ARHGAP15: variants seen among roughly 807,000 people sequenced by gnomAD.
ARHGAP15 encodes the protein Rho GTPase activating protein 15, also known as rho GTPase-activating protein 15.
A neutral mutation model predicts 63.7 loss-of-function variants in ARHGAP15; 51 were observed. The ratio of observed to expected loss-of-function variants is 0.80; its 90% CI spans 0.64 to 1.01. The LOEUF (loss-of-function observed/expected upper bound fraction) is 1.01, where lower values mean the gene tolerates loss of function less well. ARHGAP15 is among the 50% of genes least tolerant of loss of function. The pLI is 0.00. For missense variants in ARHGAP15, 560 were observed against 564.6 expected (o/e 0.99, Z 0.08); for synonymous variants, 191 against 193.8 (o/e 0.99, Z 0.12).
chr2:143,510,219 A>G (rs1693520323), intron 9 of ARHGAP15, among the ~76,000 whole-genome samples: 1 of 152,070 alleles, frequency 6.6e-6, no homozygotes. Context: ...CTGCCTCTCT[A>G]TTATAGCAAC....
intron 2 of ARHGAP15, among the ~76,000 whole-genome samples, chr2:143,200,495 A>C (rs972971463): frequency 6.6e-6 from 1 of 151,944 alleles, no homozygotes; most frequent in Admixed American, 6.6e-5. Context: ...TTTCCTAGAC[A>C]TAGTACTCAG....
chr2:143,214,956 A>G (rs1210121094), intron 3 of ARHGAP15, among the ~76,000 whole-genome samples: 1 of 152,214 alleles, frequency 6.6e-6, no homozygotes, highest in Non-Finnish European at 1.5e-5. Flanking sequence ...ATATTTAAAT[A>G]AACATTTAAA....
intron 11 of ARHGAP15, among the ~76,000 whole-genome samples, chr2:143,598,238 A>T (rs543420204): frequency 6.6e-6 from 1 of 152,338 alleles, no homozygotes; most frequent in Admixed American, 6.5e-5. Context: ...GTAAATCCAA[A>T]GAAACTCCAT....
intron 1 of ARHGAP15, among the ~76,000 whole-genome samples, chr2:143,146,809 T>G (rs1037361125): frequency 1.3e-5 from 2 of 152,058 alleles, no homozygotes; most frequent in African/African-American, 4.8e-5. Context: ...GGCACTGAAA[T>G]TCAATCTAAT....
chr2:143,765,207 A>G (rs988612896), intron 13 of ARHGAP15, among the ~76,000 whole-genome samples: 1 of 151,912 alleles, frequency 6.6e-6, no homozygotes, highest in Non-Finnish European at 1.5e-5. Flanking sequence ...CAAATTGGGA[A>G]AAACCTGCAT....
intron 9 of ARHGAP15, among the ~76,000 whole-genome samples, chr2:143,503,046 G>A (rs1693142010): frequency 6.6e-6 from 1 of 152,362 alleles, no homozygotes; most frequent in East Asian, 1.9e-4. Flanking sequence ...CTGCATGCTA[G>A]TAGTGGTCTA....
At position 143,251,170 on chromosome 2, in the gene ARHGAP15, T is replaced by C. The variant is rs146809045; in HGVS notation, c.474+570T>C. Among the ~76,000 whole-genome samples the C allele has an allele frequency of 1.7e-4, 26 of 151,916 alleles. No individual in the cohort carries two copies. In the East Asian group the frequency reaches 4.6e-3, roughly 27 times the overall value. On this transcript the variant is annotated intron_variant, in intron 6 of 13. Coordinates refer to ENST00000295095, the MANE Select transcript of ARHGAP15 (RefSeq NM_018460.4). Reference sequence around the variant, plus strand: ...GATGAAATCCTTGAGAGAGATAAAATTGGAAAATGTAATTTCACACGTTAC... The same window carrying C: ...GATGAAATCCTTGAGAGAGATAAAACTGGAAAATGTAATTTCACACGTTAC...
chr2:143,194,725 A>G (rs1226427994), intron 2 of ARHGAP15, among the ~76,000 whole-genome samples: 4 of 152,212 alleles, frequency 2.6e-5, no homozygotes, highest in African/African-American at 9.7e-5. Flanking sequence ...GAAACGATCT[A>G]GCGAAAATAT....
chr2:143,536,412 G>A (rs1024546001), intron 10 of ARHGAP15, among the ~76,000 whole-genome samples: 4 of 151,794 alleles, frequency 2.6e-5, no homozygotes, highest in African/African-American at 9.7e-5. Flanking sequence ...TAGGGTACAT[G>A]TGCACAACGT....
At chr2:143,402,173 AAC>A in intron 6 of ARHGAP15, among the ~76,000 whole-genome samples, 1 of 151,936 alleles carries the variant, frequency 6.6e-6, no homozygotes. Context: ...TTTGATAGGT[AAC>A]ACCTCAGTGT....
At chr2:143,476,476 A>T (rs1691821642) in intron 8 of ARHGAP15, among the ~76,000 whole-genome samples, 1 of 152,154 alleles carries the variant, frequency 6.6e-6, no homozygotes. Flanking sequence ...AATGAAGAAA[A>T]CATTCTAAGG....
At chr2:143,765,681 G>A (rs1020831323) in intron 13 of ARHGAP15, among the ~76,000 whole-genome samples, 2 of 152,088 alleles carry the variant, frequency 1.3e-5, no homozygotes, top group Non-Finnish European at 2.9e-5. Context: ...ACCTTCTTAC[G>A]ATGGATCGTA....
At chr2:143,613,398 C>G (rs780174116) in intron 11 of ARHGAP15, among the ~76,000 whole-genome samples, 3 of 152,126 alleles carry the variant, frequency 2.0e-5, no homozygotes, top group African/African-American at 7.2e-5. Flanking sequence ...GACCTGTTAG[C>G]AATAGTCACA....
intron 9 of ARHGAP15, 107 bp downstream of exon 9, chr2:143,487,602 G>C (rs1692386447): frequency 1.6e-6 from 2 of 1,282,530 alleles, no homozygotes; most frequent in Admixed American, 5.5e-5. Flanking sequence ...TTCTTCTTAG[G>C]TTGCTTATTA....
intron 11 of ARHGAP15, among the ~76,000 whole-genome samples, chr2:143,589,409 T>C (rs1042029205): frequency 6.6e-6 from 1 of 152,230 alleles, no homozygotes; most frequent in African/African-American, 2.4e-5. Flanking sequence ...GGCATCACAC[T>C]GTGGACTTTA....
At chr2:143,744,992 C>T (rs116020233) in intron 13 of ARHGAP15, among the ~76,000 whole-genome samples, 96 of 152,160 alleles carry the variant, frequency 6.3e-4, no homozygotes, top group African/African-American at 2.1e-3. Flanking sequence ...CTCTAAAATC[C>T]GCTTCAAATA....
At chr2:143,432,016 G>A (rs941503574) in intron 6 of ARHGAP15, among the ~76,000 whole-genome samples, 4 of 151,938 alleles carry the variant, frequency 2.6e-5, no homozygotes, top group African/African-American at 9.7e-5. Context: ...CTGATGAGGT[G>A]TATCTATCTA....
intron 8 of ARHGAP15, among the ~76,000 whole-genome samples, chr2:143,477,190 G>GCACA (rs59257825): frequency 9.5e-5 from 14 of 147,538 alleles, no homozygotes; most frequent in African/African-American, 1.5e-4. Flanking sequence ...ACACATGCTC[G>GCACA]CACACACACA....
intron 10 of ARHGAP15, among the ~76,000 whole-genome samples, chr2:143,536,162 T>C (rs900311367): frequency 6.6e-6 from 1 of 152,220 alleles, no homozygotes; most frequent in Non-Finnish European, 1.5e-5. Flanking sequence ...TAGCTAATTA[T>C]AATTATGTAT....
Sources: gnomAD v4.1 joint callset for allele counts (sites outside exome capture counted in the v4.1 genomes callset) on GRCh38, gnomAD v4.1.1 for gene constraint, MANE v1.5 for transcripts, NCBI Gene and HGNC (gene_info 2026-07-23, HGNC 2026-07-21) for gene names.